SOX5: variants seen among roughly 807,000 people sequenced by gnomAD.
SOX5 encodes the protein SRY-box transcription factor 5.
SOX5 carries 9 observed loss-of-function variants against 92.0 expected under a neutral mutation model. The observed-to-expected ratio is 0.10, with a 90% CI of 0.06 to 0.17. The LOEUF is 0.17. Among genes scored for constraint, SOX5 ranks in the 10% least tolerant of loss-of-function variants. The probability of loss-of-function intolerance (pLI) is 1.00; values close to 1 mark genes in which losing one functional copy is unlikely to be tolerated. For synonymous variants in SOX5, 344 were observed against 336.3 expected (o/e 1.02, Z -0.25); for missense variants, 642 against 944.5 (o/e 0.68, Z 4.20).
chr12:23,775,060 T>TA (rs1231307170), intron 3 of SOX5, among the ~76,000 whole-genome samples: 1 of 152,144 alleles, frequency 6.6e-6, no homozygotes, highest in East Asian at 1.9e-4. Context: ...TAACAAATGA[T>TA]AAAAATTACA....
intron 12 of SOX5, among the ~76,000 whole-genome samples, chr12:23,545,586 T>C (rs1487320937): frequency 6.6e-6 from 1 of 152,124 alleles, no homozygotes; most frequent in Non-Finnish European, 1.5e-5. Flanking sequence ...CTTGACTATG[T>C]AGTACATAGC....
chr12:24,317,214 C>T (rs757720563), intron 2 of SOX5, among the ~76,000 whole-genome samples: 2 of 152,174 alleles, frequency 1.3e-5, no homozygotes, highest in Non-Finnish European at 2.9e-5. Context: ...CAATTTTTAA[C>T]ACATTTAAGA....
chr12:24,352,237 T>C (rs1380456146), intron 2 of SOX5, among the ~76,000 whole-genome samples: 1 of 152,214 alleles, frequency 6.6e-6, no homozygotes, highest in African/African-American at 2.4e-5. Flanking sequence ...ACTAGCTACA[T>C]GGGAAAGTGT....
At chr12:24,052,436 CTT>C (rs1251546412) in intron 4 of SOX5, among the ~76,000 whole-genome samples, 1 of 151,986 alleles carries the variant, frequency 6.6e-6, no homozygotes, top group Non-Finnish European at 1.5e-5. Context: ...TAATATTAAA[CTT>C]AGTGAATGTC....
chr12:24,014,567 T>C (rs1050399757), intron 4 of SOX5, among the ~76,000 whole-genome samples: 1 of 152,196 alleles, frequency 6.6e-6, no homozygotes, highest in African/African-American at 2.4e-5. Context: ...GCAACTTGAA[T>C]TGAGTAGTTA....
rs75166591 is a variant in SOX5, at chr12:23,617,230, G to A, written c.1018-12697C>T. 4.3e-3 allele frequency among the ~76,000 whole-genome samples: 658 copies of A among 152,140 alleles called. 2 individuals are homozygous for A. Among genetic ancestry groups the A allele is most frequent in the African/African-American group, 0.015 (621 of 41,526 alleles). ...AAATTTTCTGCCTTCAGAGAAAACA[G>A]GTGAGCCACTGGGAAGCATGCTTGG... On this transcript the variant is annotated intron_variant, in intron 8 of 14. Coordinates refer to ENST00000451604, the MANE Select transcript of SOX5 (RefSeq NM_006940.6).
chr12:24,053,061 C>T (rs1023479382), intron 4 of SOX5, among the ~76,000 whole-genome samples: 14 of 152,138 alleles, frequency 9.2e-5, no homozygotes, highest in African/African-American at 3.1e-4. Flanking sequence ...GACTTTTCCA[C>T]ATTATTTGCA....
chr12:24,494,816 GA>G (rs112391410), intron 1 of SOX5, among the ~76,000 whole-genome samples: 128 of 147,848 alleles, frequency 8.7e-4, no homozygotes, highest in African/African-American at 2.3e-3. Flanking sequence ...TCAATGTAAT[GA>G]AAAAAAAAAT....
At chr12:24,500,785 A>C (rs1232164016) in intron 1 of SOX5, among the ~76,000 whole-genome samples, 1 of 152,232 alleles carries the variant, frequency 6.6e-6, no homozygotes, top group Non-Finnish European at 1.5e-5. Flanking sequence ...TCCCAAACAA[A>C]TATAAACCGG....
At chr12:23,764,098 C>T (rs376568687) in intron 3 of SOX5, among the ~76,000 whole-genome samples, 15 of 151,466 alleles carry the variant, frequency 9.9e-5, no homozygotes, top group African/African-American at 3.2e-4. Context: ...GTTACTAAGG[C>T]GAGAGGAGTA....
chr12:23,898,487 T>C (rs1448981331), intron 1 of SOX5, among the ~76,000 whole-genome samples: 1 of 152,226 alleles, frequency 6.6e-6, no homozygotes, highest in Non-Finnish European at 1.5e-5. Context: ...TTCAGAACCA[T>C]GACCTTTCTG....
At chr12:23,590,063 G>A (rs1318032902) in intron 9 of SOX5, among the ~76,000 whole-genome samples, 1 of 151,950 alleles carries the variant, frequency 6.6e-6, no homozygotes, top group Non-Finnish European at 1.5e-5. Flanking sequence ...AGAAATGACG[G>A]TTTAGATGGA....
chr12:23,977,934 C>G (rs1464042770), intron 4 of SOX5, among the ~76,000 whole-genome samples: 1 of 152,138 alleles, frequency 6.6e-6, no homozygotes, highest in African/African-American at 2.4e-5. Context: ...AACTTTATTT[C>G]TGTAAGAAAA....
chr12:23,746,217 G>C (rs780515952), intron 4 of SOX5, among the ~76,000 whole-genome samples: 27 of 152,126 alleles, frequency 1.8e-4, no homozygotes, highest in Non-Finnish European at 2.9e-4. Flanking sequence ...GTGAACAGCG[G>C]AGAAAGTAGC....
At chr12:24,350,642 C>T (rs1953960175) in intron 2 of SOX5, among the ~76,000 whole-genome samples, 1 of 152,186 alleles carries the variant, frequency 6.6e-6, no homozygotes, top group South Asian at 2.1e-4. Flanking sequence ...CTGCGCCTGG[C>T]CTGGTCAGCT....
intron 4 of SOX5, among the ~76,000 whole-genome samples, chr12:24,044,397 C>T (rs567590215): frequency 3.9e-5 from 6 of 152,158 alleles, no homozygotes; most frequent in African/African-American, 7.2e-5. Flanking sequence ...TTTTCTAGTC[C>T]GGGAGGGGCA....
intron 6 of SOX5, among the ~76,000 whole-genome samples, chr12:23,673,980 C>T (rs2085236795): frequency 6.6e-6 from 1 of 152,036 alleles, no homozygotes; most frequent in Non-Finnish European, 1.5e-5. Flanking sequence ...AAATATATAA[C>T]TTCACTAATA....
chr12:23,846,098 C>T lies in SOX5; in HGVS notation c.366G>A (p.Glu122=). 1.9e-6 allele frequency: 3 copies of T among 1,614,128 alleles called. No individual in the cohort carries two copies. The highest frequency in any genetic ancestry group is 1.1e-5 in the South Asian group (1 of 91,084). The change falls in exon 3 of 15, where the codon GAG becomes GAA. Residue 122 remains glutamate (E), a synonymous_variant. Transcript: ENST00000451604. ...TTCCCAGGGCTGTACTAGACAAGGA[C>T]TCGCCACTCTGTCGCCCACCTTCTT... ...KAEEGGRQSG[E]SLSSTALGTP... is the part of the protein sequence containing the mutation.
intron 8 of SOX5, among the ~76,000 whole-genome samples, chr12:23,630,892 CT>C (rs748749488): frequency 1.3e-5 from 2 of 151,972 alleles, no homozygotes; most frequent in Non-Finnish European, 1.5e-5. Context: ...AAGACAATAG[CT>C]TAAAAAGATA....
Sources: allele counts gnomAD v4.1 joint callset (sites outside exome capture counted in the v4.1 genomes callset), GRCh38; gene constraint gnomAD v4.1.1; transcripts MANE v1.5; gene names NCBI Gene and HGNC (gene_info 2026-07-23, HGNC 2026-07-21).